CDH18: variants seen among roughly 807,000 people sequenced by gnomAD.
The protein encoded by CDH18 is cadherin-18.
Under a neutral mutation model 67.9 loss-of-function variants are expected in CDH18, and 31 were observed. The observed-to-expected ratio is 0.46, with a 90% CI of 0.34 to 0.62. The LOEUF is 0.62. CDH18 is among the 20% of genes least tolerant of loss of function. The pLI is 0.01. For missense variants in CDH18, 890 were observed against 975.5 expected (o/e 0.91, Z 1.17); for synonymous variants, 362 against 347.2 (o/e 1.04, Z -0.48).
intron 2 of CDH18, among the ~76,000 whole-genome samples, chr5:19,966,125 A>T (rs1336422698): frequency 6.6e-6 from 1 of 152,224 alleles, no homozygotes; most frequent in African/African-American, 2.4e-5. Context: ...TTTGTTTAAA[A>T]GATTGAAAGA....
chr5:20,100,660 G>A (rs1019054462), intron 2 of CDH18, among the ~76,000 whole-genome samples: 2 of 152,068 alleles, frequency 1.3e-5, no homozygotes, highest in Non-Finnish European at 2.9e-5. Context: ...CCTAGGTTGA[G>A]TGTATTACCT....
intron 1 of CDH18, among the ~76,000 whole-genome samples, chr5:20,321,414 C>T (rs1233297859): frequency 6.6e-6 from 1 of 152,030 alleles, no homozygotes; most frequent in Non-Finnish European, 1.5e-5. Flanking sequence ...CAGCCATAAG[C>T]CTCCTTCCCC....
At chr5:19,831,677 T>C (rs751498628) in intron 3 of CDH18, among the ~76,000 whole-genome samples, 6 of 152,034 alleles carry the variant, frequency 3.9e-5, no homozygotes, top group Non-Finnish European at 4.4e-5. Context: ...TCATCCACTG[T>C]GGAAAGCAGG....
chr5:20,303,746 A>C (rs4489068), intron 1 of CDH18, among the ~76,000 whole-genome samples: 76,521 of 151,978 alleles, frequency 0.5, 21,359 homozygotes, highest in Middle Eastern at 0.67. Context: ...AATTGATACC[A>C]TGATTGCAGT....
At chr5:20,361,760 T>C (rs985842536) in intron 1 of CDH18, among the ~76,000 whole-genome samples, 2 of 152,176 alleles carry the variant, frequency 1.3e-5, no homozygotes, top group African/African-American at 4.8e-5. Flanking sequence ...TTATATAGGT[T>C]ATTTTCATCT....
At chr5:20,020,271 C>T (rs754194480) in intron 2 of CDH18, among the ~76,000 whole-genome samples, 2 of 152,044 alleles carry the variant, frequency 1.3e-5, no homozygotes, top group South Asian at 4.1e-4. Flanking sequence ...GCAGCCTGAC[C>T]GTGAGGATAG....
chr5:20,081,163 T>TG (rs397800255), intron 2 of CDH18, among the ~76,000 whole-genome samples: 2 of 151,858 alleles, frequency 1.3e-5, no homozygotes, highest in African/African-American at 2.4e-5. Context: ...TTTCCTATTT[T>TG]GGTAACTTCA....
chr5:20,074,060 C>G (rs774603546), intron 2 of CDH18, among the ~76,000 whole-genome samples: 1 of 152,102 alleles, frequency 6.6e-6, no homozygotes, highest in Non-Finnish European at 1.5e-5. Context: ...TCCACAAATA[C>G]TACAGCATTT....
chr5:20,170,066 A>G (rs1002607331), intron 2 of CDH18, among the ~76,000 whole-genome samples: 1 of 152,002 alleles, frequency 6.6e-6, no homozygotes, highest in African/African-American at 2.4e-5. Flanking sequence ...CAGAACGTGC[A>G]GGTTTGTTAC....
chr5:20,528,846 G>A (rs1292393144), intron 1 of CDH18, among the ~76,000 whole-genome samples: 1 of 151,716 alleles, frequency 6.6e-6, no homozygotes, highest in Non-Finnish European at 1.5e-5. Context: ...AGAGAACCAA[G>A]AACAAACAAA....
chr5:19,618,796 A>G (rs545514020), intron 5 of CDH18, among the ~76,000 whole-genome samples: 1 of 152,244 alleles, frequency 6.6e-6, no homozygotes, highest in South Asian at 2.1e-4. Context: ...CACATATGGT[A>G]CCTGGCCTTA....
intron 3 of CDH18, among the ~76,000 whole-genome samples, chr5:19,768,960 A>G (rs1476022440): frequency 6.6e-6 from 1 of 152,104 alleles, no homozygotes; most frequent in Non-Finnish European, 1.5e-5. Flanking sequence ...ACAGATTTAA[A>G]AGAAGGCAGA....
intron 1 of CDH18, among the ~76,000 whole-genome samples, chr5:20,507,954 C>T (rs1255884807): frequency 3.3e-5 from 5 of 152,008 alleles, no homozygotes; most frequent in Admixed American, 2.6e-4. Context: ...TATAGCCTCA[C>T]TATTTATTAG....
At chr5:19,915,485 C>A (rs534043997) in intron 2 of CDH18, among the ~76,000 whole-genome samples, 2 of 152,112 alleles carry the variant, frequency 1.3e-5, no homozygotes, top group East Asian at 3.9e-4. Flanking sequence ...GTAAAATAAA[C>A]ACATTTTCGA....
At chr5:19,668,907 C>A (rs930587146) in intron 5 of CDH18, among the ~76,000 whole-genome samples, 2 of 151,566 alleles carry the variant, frequency 1.3e-5, no homozygotes, top group African/African-American at 4.8e-5. Flanking sequence ...TATTATAATT[C>A]TTGAGATTAT....
intron 3 of CDH18, among the ~76,000 whole-genome samples, chr5:19,796,163 T>C (rs1252562482): frequency 6.6e-6 from 1 of 152,118 alleles, no homozygotes; most frequent in African/African-American, 2.4e-5. Flanking sequence ...TTTAAAGATA[T>C]AATGACTGAA....
intron 1 of CDH18, among the ~76,000 whole-genome samples, chr5:20,433,468 T>G (rs1408394961): frequency 6.6e-6 from 1 of 151,974 alleles, no homozygotes; most frequent in African/African-American, 2.4e-5. Flanking sequence ...TAAGAGACAC[T>G]GTAAAGAAAG....
rs767007708 is a variant in CDH18, at chr5:19,483,359, C to G, written c.1824G>C (p.Ser608=). 2.4e-5 allele frequency: 39 copies of G among 1,613,932 alleles called. No homozygotes were observed. Among genetic ancestry groups the G allele is most frequent in the Non-Finnish European group, 3.2e-5 (38 of 1,179,920 alleles). The change falls in exon 12 of 13, where the codon TCG becomes TCC. Residue 608 remains serine (S), a synonymous_variant. Transcript: ENST00000382275. ...RTCHAEAFLS[S]AGLSTGALIA... is the part of the protein sequence containing the mutation. ...TTAAGGCTCCTGTACTCAAACCAGC[C>G]GAGGACAGGAAGGCTTCTGCATGGC...
At chr5:20,077,058 T>C (rs1744007291) in intron 2 of CDH18, among the ~76,000 whole-genome samples, 7 of 152,184 alleles carry the variant, frequency 4.6e-5, no homozygotes. Context: ...GACCATCTTC[T>C]TGTGCCCTTG....
Sources: gnomAD v4.1 joint callset for allele counts (sites outside exome capture counted in the v4.1 genomes callset) on GRCh38, gnomAD v4.1.1 for gene constraint, MANE v1.5 for transcripts, NCBI Gene and HGNC (gene_info 2026-07-23, HGNC 2026-07-21) for gene names.